LYZL4: variants seen among roughly 807,000 people sequenced by gnomAD.
LYZL4 encodes the protein lysozyme-like protein 4.
Under a neutral mutation model 17.6 loss-of-function variants are expected in LYZL4, and 13 were observed. The ratio of observed to expected loss-of-function variants is 0.74; its 90% CI spans 0.48 to 1.18. The LOEUF (loss-of-function observed/expected upper bound fraction) is 1.18, where lower values mean the gene tolerates loss of function less well. Among genes scored for constraint, LYZL4 ranks in the 50% most tolerant of loss-of-function variants. The pLI, the probability that LYZL4 is intolerant of heterozygous loss-of-function variation, is 0.00. For missense variants in LYZL4, 174 were observed against 188.2 expected (o/e 0.92, Z 0.44); for synonymous variants, 64 against 67.7 (o/e 0.95, Z 0.27).
At chr3:42,404,195 G>T in intron 3 of LYZL4, 71 bp from the exon 4 acceptor site, 1 of 942,372 alleles carries the variant, frequency 1.1e-6, no homozygotes, top group Non-Finnish European at 1.7e-6. Flanking sequence ...GTCAGGGAAG[G>T]TACAGGGTAC....
rs78074090 is a variant in LYZL4 at position 42,403,495 on chromosome 3, C to T, written c.371+551G>A. ...TTTGCCATGTTGGTCAGACTGGTTT[C>T]GAACTCCTGACCTCAGGTGATCCAA... On this transcript the variant is annotated intron_variant, in intron 4 of 4. Transcript: ENST00000287748. 5.9e-5 allele frequency among the ~76,000 whole-genome samples: 9 copies of T among 152,068 alleles called. No homozygotes were observed. The East Asian group carries it at 1.5e-3, about 26-fold the overall frequency.
At chr3:42,406,453 C>CAAAAAAAAAAAAAAAAAAA (rs565639489) in intron 3 of LYZL4, among the ~76,000 whole-genome samples, 2 of 84,156 alleles carry the variant, frequency 2.4e-5, no homozygotes, top group African/African-American at 8.4e-5. Context: ...GACTCCGTCT[C>CAAAAAAAAAAAAAAAAAAA]AAAAAAAAAA....
At chr3:42,392,120 C>T (rs1323019219), downstream of LYZL4, among the ~76,000 whole-genome samples, 2 of 152,170 alleles carry the variant, frequency 1.3e-5, no homozygotes, top group Admixed American at 1.3e-4. Context: ...GATTGGCTTG[C>T]CTTGGCCTCC....
the LYZL4 span, among the ~76,000 whole-genome samples, chr3:42,361,829 C>A: frequency 6.6e-6 from 1 of 152,142 alleles, no homozygotes; most frequent in Non-Finnish European, 1.5e-5. Flanking sequence ...TACCCTTTGC[C>A]CCACAAATAC....
chr3:42,386,955 A>C, the LYZL4 span, among the ~76,000 whole-genome samples: 1 of 152,168 alleles, frequency 6.6e-6, no homozygotes, highest in African/African-American at 2.4e-5. Flanking sequence ...TTGTCTTTAT[A>C]TGTTTAAAAT....
the LYZL4 span, among the ~76,000 whole-genome samples, chr3:42,371,433 G>T: frequency 2.6e-5 from 4 of 152,304 alleles, no homozygotes; most frequent in African/African-American, 9.6e-5. Flanking sequence ...TTATTTGAAT[G>T]CAGGAATGAA....
At chr3:42,380,282 A>C in the LYZL4 span, among the ~76,000 whole-genome samples, 1 of 152,232 alleles carries the variant, frequency 6.6e-6, no homozygotes, top group Non-Finnish European at 1.5e-5. Context: ...TGTTTTATAG[A>C]TAAGTAACTG....
At chr3:42,374,714 G>A in the LYZL4 span, among the ~76,000 whole-genome samples, 1 of 152,108 alleles carries the variant, frequency 6.6e-6, no homozygotes, top group Non-Finnish European at 1.5e-5. Context: ...CAAGTGACAG[G>A]AGCCACAGAG....
At chr3:42,409,739 G>A (rs1357156974) in intron 1 of LYZL4, among the ~76,000 whole-genome samples, 3 of 152,176 alleles carry the variant, frequency 2.0e-5, no homozygotes, top group Non-Finnish European at 2.9e-5. Flanking sequence ...AGTTGGAAAG[G>A]CATTTTATAA....
At chr3:42,379,703 C>T in the LYZL4 span, among the ~76,000 whole-genome samples, 12 of 152,170 alleles carry the variant, frequency 7.9e-5, no homozygotes, top group African/African-American at 2.4e-4. Context: ...TTTCTCATTG[C>T]AAAATCCCAA....
chr3:42,380,670 A>G, the LYZL4 span, among the ~76,000 whole-genome samples: 5 of 152,220 alleles, frequency 3.3e-5, no homozygotes, highest in Non-Finnish European at 5.9e-5. Flanking sequence ...CCCAGGGACC[A>G]TATTTTGTGA....
the LYZL4 span, among the ~76,000 whole-genome samples, chr3:42,374,309 CA>C: frequency 6.6e-6 from 1 of 152,176 alleles, no homozygotes; most frequent in Non-Finnish European, 1.5e-5. Context: ...TTTCTGGTTC[CA>C]AAACCTGTAC....
the LYZL4 span, among the ~76,000 whole-genome samples, chr3:42,371,444 C>A: frequency 2.6e-5 from 4 of 152,294 alleles, no homozygotes; most frequent in African/African-American, 7.2e-5. Flanking sequence ...CAGGAATGAA[C>A]AAATGCCCAT....
the LYZL4 span, among the ~76,000 whole-genome samples, chr3:42,365,219 A>G: frequency 4.6e-5 from 7 of 152,212 alleles, no homozygotes; most frequent in Non-Finnish European, 1.0e-4. Context: ...ATAAAAATTT[A>G]TCTAAATATA....
chr3:42,387,923 A>G, the LYZL4 span, among the ~76,000 whole-genome samples: 1 of 152,026 alleles, frequency 6.6e-6, no homozygotes, highest in Non-Finnish European at 1.5e-5. Flanking sequence ...GGCCACAGAG[A>G]CCTTTCCCAC....
the LYZL4 span, among the ~76,000 whole-genome samples, chr3:42,391,236 T>G: frequency 6.6e-6 from 1 of 152,180 alleles, no homozygotes; most frequent in Non-Finnish European, 1.5e-5. Flanking sequence ...TTTTTGTATG[T>G]GAATTTGGAG....
At chr3:42,395,456 A>T (rs1317119604), downstream of LYZL4, among the ~76,000 whole-genome samples, 1 of 152,210 alleles carries the variant, frequency 6.6e-6, no homozygotes, top group African/African-American at 2.4e-5. Context: ...GAAGATACAA[A>T]ACTGTATGTT....
In LYZL4 at chr3:42,403,922, G is replaced by A; in HGVS notation, c.371+124C>T. 5.1e-6 allele frequency: 3 copies of A among 590,564 alleles called. No homozygotes were observed. In the South Asian group the frequency reaches 7.7e-5, roughly 15 times the overall value. The allele number at this position is 590,564 out of a possible 1,614,324, so 36.6% of individuals were successfully genotyped here. On this transcript the variant is annotated intron_variant, in intron 4 of 4. Coordinates refer to ENST00000287748, the MANE Select transcript of LYZL4 (RefSeq NM_144634.4). ...GTTGTGGTTTTCTGCTACTTACCTT[G>A]GTGAGTCAGAGCCTTTTAGTTTTGG...
chr3:42,407,476 G>T (rs62247334), intron 1 of LYZL4, 133 bp from the exon 2 acceptor site: 63 of 590,372 alleles, frequency 1.1e-4, no homozygotes, highest in Non-Finnish European at 1.7e-4. Flanking sequence ...CTGAAACTCT[G>T]CCCCTTCTCC....
Sources: gnomAD v4.1 joint callset for allele counts (sites outside exome capture counted in the v4.1 genomes callset) on GRCh38, gnomAD v4.1.1 for gene constraint, MANE v1.5 for transcripts, NCBI Gene and HGNC (gene_info 2026-07-23, HGNC 2026-07-21) for gene names.